Variants in NFATC2 observed in about 807,000 individuals in gnomAD.
NFATC2 encodes nuclear factor of activated T cells 2.
A neutral mutation model predicts 87.3 loss-of-function variants in NFATC2; 22 were observed. That is an observed-to-expected ratio of 0.25 (90% CI 0.18 to 0.36). NFATC2 has a LOEUF of 0.36. Among genes scored for constraint, NFATC2 ranks in the 10% least tolerant of loss-of-function variants. NFATC2 has a pLI of 1.00. For synonymous variants in NFATC2, 565 were observed against 542.2 expected (o/e 1.04, Z -0.58); for missense variants, 1,149 against 1,259.1 (o/e 0.91, Z 1.32).
chr20:51,550,544 T>C (rs898248095), intron 1 of NFATC2, among the ~76,000 whole-genome samples: 1 of 152,028 alleles, frequency 6.6e-6, no homozygotes, highest in Admixed American at 6.6e-5. Context: ...TGAGCCGAGA[T>C]TGCGCCATTG....
chr20:51,492,784 C>T (rs1002768048), intron 3 of NFATC2, among the ~76,000 whole-genome samples: 2 of 152,234 alleles, frequency 1.3e-5, no homozygotes, highest in Non-Finnish European at 2.9e-5. Context: ...TGTCAAGAGG[C>T]GTGATAAAGC....
intron 9 of NFATC2, among the ~76,000 whole-genome samples, chr20:51,404,425 T>G (rs2146251726): frequency 6.6e-6 from 1 of 152,326 alleles, no homozygotes; most frequent in South Asian, 2.1e-4. Context: ...GCAAGGCACA[T>G]CATAAGAACT....
intron 2 of NFATC2, among the ~76,000 whole-genome samples, chr20:51,517,981 A>G (rs1427888400): frequency 6.6e-6 from 1 of 152,088 alleles, no homozygotes; most frequent in African/African-American, 2.4e-5. Flanking sequence ...TATGGGGTCC[A>G]TCACTAACCA....
upstream of NFATC2, chr20:51,542,750 G>GA (rs1491447852): frequency 5.3e-6 from 3 of 567,868 alleles, no homozygotes; most frequent in Admixed American, 2.7e-4. Flanking sequence ...CCGGGGAGGC[G>GA]GGGGGGGGGG....
rs1408618865 is a variant in NFATC2, at chr20:51,523,379, G to A, written c.862C>T (p.His288Tyr). 6.2e-7 allele frequency: 1 copy of A among 1,610,770 alleles called. No homozygotes were observed. ...GGGGGGTACCCAGCCGGGGAGCCGT[G>A]GTCCTGGGGTGCCACGTGAGATGAG... ...QPSSHVAPQD[H>Y]GSPAGYPPVA... Residue 288 changes from histidine to tyrosine, a missense_variant, in exon 2 of 11, where the codon CAC (histidine) becomes TAC (tyrosine). Physicochemically the swap from His to Tyr is moderately conservative, Grantham distance 83. Transcript: ENST00000371564. The surrounding 1 kb of genome is among the most constrained non-coding windows in gnomAD (Gnocchi z 6.9).
Position 51,407,599 on chromosome 20 carries a change from G to A in NFATC2, c.2723-8869C>T, listed in dbSNP as rs370004179. 2.0e-5 allele frequency among the ~76,000 whole-genome samples: 3 copies of A among 152,318 alleles called. No individual in the cohort carries two copies. In the South Asian group the frequency reaches 6.2e-4, roughly 32 times the overall value. On this transcript the variant is annotated intron_variant, in intron 9 of 10. Coordinates refer to ENST00000371564, the MANE Select transcript of NFATC2 (RefSeq NM_012340.5). ...CTTCATGGTCACAAAGGAGGAGACAGTGCCTCTGAGCTCTTGCTCATGCTG... is the reference window on the plus strand; with the variant it reads ...CTTCATGGTCACAAAGGAGGAGACAATGCCTCTGAGCTCTTGCTCATGCTG...
intron 5 of NFATC2, among the ~76,000 whole-genome samples, chr20:51,457,406 G>C (rs1986666189): frequency 1.3e-5 from 2 of 152,230 alleles, no homozygotes; most frequent in South Asian, 4.1e-4. Context: ...AGCTCTCAGT[G>C]CTGGGCGGGA....
chr20:51,417,872 G>A (rs1869446457), intron 9 of NFATC2, among the ~76,000 whole-genome samples: 2 of 152,294 alleles, frequency 1.3e-5, no homozygotes, highest in South Asian at 2.1e-4. Context: ...AGCAGTTCCC[G>A]AGGCAGCCAG....
intron 9 of NFATC2, among the ~76,000 whole-genome samples, chr20:51,399,560 A>AATAAATGAGATCCTTTCAGCGCTT (rs1987759860): frequency 6.6e-6 from 1 of 152,258 alleles, no homozygotes; most frequent in Non-Finnish European, 1.5e-5. Flanking sequence ...CAGAATGCTC[A>AATAAATGAGATCCTTTCAGCGCTT]ATAAATGAGA....
chr20:51,490,189 TATG>T (rs1256863316), intron 3 of NFATC2, among the ~76,000 whole-genome samples: 1 of 152,318 alleles, frequency 6.6e-6, no homozygotes, highest in South Asian at 2.1e-4. Context: ...CATTGTGATG[TATG>T]ATATCTATCA....
intron 9 of NFATC2, among the ~76,000 whole-genome samples, chr20:51,401,593 C>T (rs1988052718): frequency 6.6e-6 from 1 of 152,132 alleles, no homozygotes; most frequent in South Asian, 2.1e-4. Flanking sequence ...AGTATTTAGA[C>T]TTACTACATG....
At chr20:51,437,986 T>C (rs764240427) in intron 6 of NFATC2, among the ~76,000 whole-genome samples, 1 of 149,468 alleles carries the variant, frequency 6.7e-6, no homozygotes, top group Non-Finnish European at 1.5e-5. Flanking sequence ...CCCCCTGTTT[T>C]CTCAGACAAC....
chr20:51,475,241 T>C (rs1017970405), intron 4 of NFATC2, among the ~76,000 whole-genome samples: 6 of 152,180 alleles, frequency 3.9e-5, no homozygotes, highest in African/African-American at 1.4e-4. Context: ...AGCGCTAGGA[T>C]TACAGGCGCG....
At chr20:51,538,495 A>G (rs544470110) in intron 1 of NFATC2, among the ~76,000 whole-genome samples, 3 of 152,340 alleles carry the variant, frequency 2.0e-5, no homozygotes, top group Non-Finnish European at 2.9e-5. Context: ...TGTCTTCACT[A>G]TCATGTAACA....
intron 9 of NFATC2, among the ~76,000 whole-genome samples, chr20:51,418,029 C>G (rs1477668729): frequency 6.6e-6 from 1 of 152,184 alleles, no homozygotes; most frequent in African/African-American, 2.4e-5. Context: ...GGCTCTGAAT[C>G]AAGCTTCCTT....
intron 2 of NFATC2, among the ~76,000 whole-genome samples, chr20:51,522,784 G>A (rs1438679242): frequency 1.3e-5 from 2 of 152,034 alleles, no homozygotes; most frequent in African/African-American, 4.8e-5. Flanking sequence ...CTAGATGTTT[G>A]AAAAACACTT....
intron 6 of NFATC2, among the ~76,000 whole-genome samples, chr20:51,437,831 C>T (rs1042308897): frequency 1.3e-5 from 2 of 152,188 alleles, no homozygotes; most frequent in African/African-American, 4.8e-5. Context: ...TTATCACCAT[C>T]TCCCCAACAC....
At chr20:51,540,647 G>GTTTTTTTGTTTTTTTTTTTTTTTTTTT (rs2076793412) in intron 1 of NFATC2, among the ~76,000 whole-genome samples, 1 of 112,974 alleles carries the variant, frequency 8.9e-6, no homozygotes, top group African/African-American at 4.4e-5. Flanking sequence ...AAAAACTGAA[G>GTTTTTTTGTTTTTTTTTTTTTTTTTTT]TTTTTTTTTT....
chr20:51,398,461 A>G (rs1473086526), intron 10 of NFATC2, among the ~76,000 whole-genome samples, 182 bp downstream of exon 10: 2 of 152,016 alleles, frequency 1.3e-5, no homozygotes, highest in Non-Finnish European at 2.9e-5. Context: ...TGAGATTCTC[A>G]GGGAGGTCCC....
Sources: allele counts gnomAD v4.1 joint callset (sites outside exome capture counted in the v4.1 genomes callset), GRCh38; gene constraint gnomAD v4.1.1; non-coding constraint Gnocchi (gnomAD v3.1); transcripts MANE v1.5; gene names NCBI Gene and HGNC (gene_info 2026-07-23, HGNC 2026-07-21).